Variants in HS3ST4 observed in about 807,000 individuals in gnomAD.
The protein encoded by HS3ST4 is heparan sulfate-glucosamine 3-sulfotransferase 4.
In HS3ST4, 17 loss-of-function variants were observed where a neutral mutation model predicts 29.2. That is an observed-to-expected ratio of 0.58 (90% CI 0.40 to 0.87). The LOEUF is 0.87. Ranked by LOEUF, HS3ST4 falls within the 40% of genes least tolerant of loss-of-function variation. The probability of loss-of-function intolerance (pLI) is 0.00; values close to 1 mark genes in which losing one functional copy is unlikely to be tolerated. For missense variants in HS3ST4, 627 were observed against 634.5 expected (o/e 0.99, Z 0.13); for synonymous variants, 314 against 285.7 (o/e 1.10, Z -1.00).
At chr16:25,969,531 G>A (rs899018916) in intron 1 of HS3ST4, among the ~76,000 whole-genome samples, 1 of 152,200 alleles carries the variant, frequency 6.6e-6, no homozygotes, top group Non-Finnish European at 1.5e-5. Context: ...CGGCATTGTG[G>A]TTAACTGGGC....
chr16:25,848,383 G>A (rs905511018), intron 1 of HS3ST4, among the ~76,000 whole-genome samples: 3 of 151,958 alleles, frequency 2.0e-5, no homozygotes, highest in African/African-American at 4.8e-5. Context: ...CAAATGATCC[G>A]TCCGCCTCAG....
chr16:25,887,962 G>T (rs1967971890), intron 1 of HS3ST4, among the ~76,000 whole-genome samples: 1 of 152,054 alleles, frequency 6.6e-6, no homozygotes, highest in Admixed American at 6.5e-5. Flanking sequence ...CTCCCAAATT[G>T]TTGGGATTAT....
chr16:25,874,731 G>T (rs1967811539), intron 1 of HS3ST4, among the ~76,000 whole-genome samples: 1 of 152,112 alleles, frequency 6.6e-6, no homozygotes, highest in Admixed American at 6.5e-5. Context: ...TAGAAATGTG[G>T]CTGGCATATA....
At chr16:25,823,565 A>AT (rs1042868157) in intron 1 of HS3ST4, among the ~76,000 whole-genome samples, 8 of 151,938 alleles carry the variant, frequency 5.3e-5, no homozygotes, top group African/African-American at 1.9e-4. Context: ...ATTTAATTTA[A>AT]TTTTTTATTT....
intron 1 of HS3ST4, among the ~76,000 whole-genome samples, chr16:25,975,504 C>T (rs568705046): frequency 2.4e-4 from 37 of 152,220 alleles, no homozygotes; most frequent in African/African-American, 8.9e-4. Flanking sequence ...ACTTTCATGT[C>T]ATTCTGTAAT....
intron 1 of HS3ST4, among the ~76,000 whole-genome samples, chr16:25,728,367 G>T (rs1216255265): frequency 6.6e-6 from 1 of 152,146 alleles, no homozygotes; most frequent in South Asian, 2.1e-4. Flanking sequence ...CAAATATCAG[G>T]TCTGTGTGAC....
At chr16:25,849,162 G>T (rs1967493788) in intron 1 of HS3ST4, among the ~76,000 whole-genome samples, 1 of 151,972 alleles carries the variant, frequency 6.6e-6, no homozygotes, top group African/African-American at 2.4e-5. Flanking sequence ...TAACATTTTT[G>T]ACTTCTTTTT....
rs545020071 is a variant in HS3ST4 at position 25,882,706 on chromosome 16, T to TTCCGCA, written c.734+189557_734+189562dup. Among the ~76,000 whole-genome samples the TTCCGCA allele has an allele frequency of 1.7e-3, 253 of 152,260 alleles. 1 individual carries two copies. Among genetic ancestry groups the TTCCGCA allele is most frequent in the African/African-American group, 6.1e-3 (252 of 41,548 alleles). On this transcript the variant is annotated intron_variant, in intron 1 of 1. Coordinates refer to ENST00000331351, the MANE Select transcript of HS3ST4 (RefSeq NM_006040.3). ...CTCTGAAAGATAGTAAAGGGGGCTT[T>TTCCGCA]TCCGCATGGGCAATTCAGATGGCAT...
rs1318419786 is a variant in HS3ST4, at chr16:25,999,770, ATTTATATATATTATATATAT to A, written c.735-135825_735-135806del. 4.9e-4 allele frequency among the ~76,000 whole-genome samples: 68 copies of A among 138,994 alleles called. No individual in the cohort carries two copies. The East Asian group carries it at 0.011, about 22-fold the overall frequency. The allele number at this position is 138,994 out of a possible 152,430, so 91.2% of individuals were successfully genotyped here. A position where few individuals can be genotyped will look rare whatever the true frequency, so the allele number is the denominator to read the frequency against. Reference sequence around the variant, plus strand: ...TTATATATGTATATTTTATATATATATTTATATATATTATATATATTTTATATATATTATATGTATATTTT... The same window carrying A: ...TTATATATGTATATTTTATATATATATTTATATATATTATATGTATATTTT... On this transcript the variant is annotated intron_variant, in intron 1 of 1. Transcript: ENST00000331351.
intron 1 of HS3ST4, among the ~76,000 whole-genome samples, chr16:26,130,709 C>T (rs1899406112): frequency 6.6e-6 from 1 of 152,144 alleles, no homozygotes; most frequent in Non-Finnish European, 1.5e-5. Context: ...ATCTGAACAC[C>T]TTTCAGTTTT....
intron 1 of HS3ST4, among the ~76,000 whole-genome samples, chr16:25,982,270 T>G (rs2141723134): frequency 6.6e-6 from 1 of 152,354 alleles, no homozygotes. Flanking sequence ...TTTTGAATTC[T>G]TTGACGTTCT....
intron 1 of HS3ST4, among the ~76,000 whole-genome samples, chr16:25,904,667 C>T (rs913578382): frequency 2.1e-4 from 32 of 152,172 alleles, no homozygotes; most frequent in African/African-American, 7.5e-4. Flanking sequence ...GCTTGGTAAT[C>T]AAGAGAAAGA....
At chr16:25,828,301 C>CACTCTCTCT in intron 1 of HS3ST4, among the ~76,000 whole-genome samples, 1 of 32,898 alleles carries the variant, frequency 3.0e-5, no homozygotes, top group African/African-American at 1.3e-4. Context: ...TCTTTCTTTC[C>CACTCTCTCT]CTCTCTCTCT....
At chr16:25,918,176 C>T (rs1968311732) in intron 1 of HS3ST4, among the ~76,000 whole-genome samples, 2 of 152,146 alleles carry the variant, frequency 1.3e-5, no homozygotes. Context: ...TCTTTTTTTA[C>T]TGGAGAATAA....
intron 1 of HS3ST4, among the ~76,000 whole-genome samples, chr16:26,069,170 T>C (rs182184945): frequency 5.6e-4 from 85 of 152,274 alleles, no homozygotes; most frequent in African/African-American, 1.4e-3. Flanking sequence ...CAGACTGGTC[T>C]CAAACTCCTG....
chr16:25,744,553 TATCATC>T (rs34486910), intron 1 of HS3ST4, among the ~76,000 whole-genome samples: 1 of 151,344 alleles, frequency 6.6e-6, no homozygotes, highest in Non-Finnish European at 1.5e-5. Context: ...GTCATTTTTC[TATCATC>T]ATCATCATCA....
At chr16:25,803,173 C>G (rs1966956674) in intron 1 of HS3ST4, among the ~76,000 whole-genome samples, 1 of 151,998 alleles carries the variant, frequency 6.6e-6, no homozygotes, top group African/African-American at 2.4e-5. Flanking sequence ...TTGCAGTGGC[C>G]TCTCTTGGAT....
chr16:25,795,058 G>A (rs1966879931), intron 1 of HS3ST4, among the ~76,000 whole-genome samples: 2 of 148,504 alleles, frequency 1.3e-5, no homozygotes, highest in South Asian at 4.2e-4. Context: ...TGTAACCTCC[G>A]CTTCCCGGGT....
intron 1 of HS3ST4, among the ~76,000 whole-genome samples, chr16:26,070,210 C>CA (rs1488812375): frequency 1.3e-5 from 2 of 152,200 alleles, no homozygotes; most frequent in Non-Finnish European, 2.9e-5. Context: ...ACATCCTCTC[C>CA]AGCACCTGTT....
Sources: gnomAD v4.1 joint callset for allele counts (sites outside exome capture counted in the v4.1 genomes callset) on GRCh38, gnomAD v4.1.1 for gene constraint, MANE v1.5 for transcripts, NCBI Gene and HGNC (gene_info 2026-07-23, HGNC 2026-07-21) for gene names.